Variants in ASTN2 observed in about 807,000 individuals in gnomAD.
ASTN2 encodes the protein astrotactin 2, also known as astrotactin-2.
A neutral mutation model predicts 139.8 loss-of-function variants in ASTN2; 54 were observed. The observed-to-expected ratio is 0.39, with a 90% CI of 0.31 to 0.48. The LOEUF (loss-of-function observed/expected upper bound fraction) is 0.48, where lower values mean the gene tolerates loss of function less well. Ranked by LOEUF, ASTN2 falls within the 20% of genes least tolerant of loss-of-function variation. The pLI, the probability that ASTN2 is intolerant of heterozygous loss-of-function variation, is 0.95. For missense variants in ASTN2, 1,565 were observed against 1,725.1 expected, an observed-to-expected ratio of 0.91 and a Z score of 1.64; for synonymous variants, 756 against 719.5, an observed-to-expected ratio of 1.05 and a Z score of -0.81.
At chr9:116,839,510 C>T (rs966148921) in intron 11 of ASTN2, among the ~76,000 whole-genome samples, 1 of 151,444 alleles carries the variant, frequency 6.6e-6, no homozygotes, top group African/African-American at 2.4e-5. Flanking sequence ...GACAGAGTCT[C>T]GCTCTGTCAC....
chr9:117,236,386 T>G (rs1833046091), intron 2 of ASTN2, among the ~76,000 whole-genome samples: 2 of 150,988 alleles, frequency 1.3e-5, no homozygotes, highest in South Asian at 2.1e-4. Flanking sequence ...CCAGAGGGAG[T>G]GAGATGGAGA....
At chr9:116,559,856 G>C (rs1852816806) in intron 19 of ASTN2, among the ~76,000 whole-genome samples, 2 of 152,086 alleles carry the variant, frequency 1.3e-5, no homozygotes, top group South Asian at 4.1e-4. Context: ...CTTATTCCTT[G>C]AACTATTAAT....
chr9:116,636,597 G>C (rs146169314), intron 17 of ASTN2, among the ~76,000 whole-genome samples: 1 of 151,978 alleles, frequency 6.6e-6, no homozygotes, highest in Non-Finnish European at 1.5e-5. Context: ...CAGGAAAATC[G>C]TTTGAACCCG....
intron 19 of ASTN2, among the ~76,000 whole-genome samples, chr9:116,577,237 A>G (rs1458347183): frequency 6.6e-6 from 1 of 152,226 alleles, no homozygotes; most frequent in Non-Finnish European, 1.5e-5. Flanking sequence ...ACACAAGAAT[A>G]CATGTTATAG....
At position 116,423,159 on chromosome 9, in the gene ASTN2, C is replaced by G. The variant is rs532387884; in HGVS notation, c.*2692G>C. ...TTAATCAGAATTCTCTAGGTCTTTCCCAACCAGATTTTCCTGGATGTCTGC... is the reference window on the plus strand; with the variant it reads ...TTAATCAGAATTCTCTAGGTCTTTCGCAACCAGATTTTCCTGGATGTCTGC... On this transcript the variant is annotated 3_prime_UTR_variant, in exon 23 of 23. Coordinates refer to ENST00000313400, the MANE Select transcript of ASTN2 (RefSeq NM_001365068.1). Among the ~76,000 whole-genome samples the G allele has an allele frequency of 6.6e-6, 1 of 152,106 alleles. No homozygotes were observed. The highest frequency in any genetic ancestry group is 1.9e-4 in the East Asian group (1 of 5,176).
chr9:117,133,331 G>T (rs961174761), intron 4 of ASTN2, among the ~76,000 whole-genome samples: 1 of 152,136 alleles, frequency 6.6e-6, no homozygotes, highest in Non-Finnish European at 1.5e-5. Context: ...TGTAGATTAG[G>T]TAATGGAGAT....
chr9:116,660,176 A>G (rs990244468), intron 16 of ASTN2, among the ~76,000 whole-genome samples: 1 of 137,058 alleles, frequency 7.3e-6, no homozygotes, highest in African/African-American at 3.6e-5. Flanking sequence ...GCGCACACAC[A>G]CACACACACA....
At chr9:117,382,311 A>G (rs534328898) in intron 1 of ASTN2, among the ~76,000 whole-genome samples, 1 of 152,322 alleles carries the variant, frequency 6.6e-6, no homozygotes, top group East Asian at 1.9e-4. Context: ...TTCAAGAGCC[A>G]GGAGGGACAG....
intron 16 of ASTN2, among the ~76,000 whole-genome samples, chr9:116,655,232 G>A (rs1256225708): frequency 6.6e-6 from 1 of 152,168 alleles, no homozygotes; most frequent in East Asian, 1.9e-4. Flanking sequence ...AACACCATTA[G>A]CCATTCCATT....
intron 19 of ASTN2, among the ~76,000 whole-genome samples, chr9:116,520,126 G>C (rs1850805982): frequency 6.6e-6 from 1 of 151,888 alleles, no homozygotes; most frequent in Admixed American, 6.6e-5. Context: ...AAAAGATAAA[G>C]AGGGAATCCT....
intron 2 of ASTN2, among the ~76,000 whole-genome samples, chr9:117,238,258 G>T (rs930087936): frequency 1.3e-5 from 2 of 152,134 alleles, no homozygotes; most frequent in African/African-American, 2.4e-5. Flanking sequence ...TTAGCCATGG[G>T]TGTCTACAGC....
intron 1 of ASTN2, among the ~76,000 whole-genome samples, chr9:117,382,676 T>C (rs936336852): frequency 6.6e-6 from 1 of 152,180 alleles, no homozygotes; most frequent in Non-Finnish European, 1.5e-5. Context: ...AGCACTGGGT[T>C]AAGACCAGTT....
intron 16 of ASTN2, among the ~76,000 whole-genome samples, chr9:116,692,414 A>G (rs936035773): frequency 6.6e-6 from 1 of 152,218 alleles, no homozygotes; most frequent in African/African-American, 2.4e-5. Flanking sequence ...AATAAAAACT[A>G]TTATTTATGT....
intron 22 of ASTN2, among the ~76,000 whole-genome samples, chr9:116,438,627 C>T (rs1847732693): frequency 6.6e-6 from 1 of 152,190 alleles, no homozygotes. Context: ...CTTTCATTCT[C>T]TTCCCCTCTT....
intron 10 of ASTN2, among the ~76,000 whole-genome samples, chr9:116,926,296 A>G (rs1205895818): frequency 6.6e-6 from 1 of 152,216 alleles, no homozygotes; most frequent in Admixed American, 6.5e-5. Flanking sequence ...TATTGATTTC[A>G]ATAATTTATG....
intron 3 of ASTN2, among the ~76,000 whole-genome samples, chr9:117,195,364 A>G (rs1257104115): frequency 6.6e-6 from 1 of 152,202 alleles, no homozygotes; most frequent in African/African-American, 2.4e-5. Context: ...AGTCTGAAGA[A>G]CAGAGAAGAG....
intron 19 of ASTN2, among the ~76,000 whole-genome samples, chr9:116,562,733 T>TAAAAA (rs35878476): frequency 1.1e-4 from 7 of 64,462 alleles, no homozygotes; most frequent in African/African-American, 3.2e-4. Flanking sequence ...ACTGCCTCAT[T>TAAAAA]AAAAAAAAAA....
At chr9:117,137,709 A>AT (rs1829985698) in intron 4 of ASTN2, among the ~76,000 whole-genome samples, 1 of 150,796 alleles carries the variant, frequency 6.6e-6, no homozygotes, top group African/African-American at 2.5e-5. Context: ...GAATTTCCAA[A>AT]CTTTTTTTTT....
At chr9:116,899,776 G>A (rs1833962369) in intron 10 of ASTN2, among the ~76,000 whole-genome samples, 1 of 152,172 alleles carries the variant, frequency 6.6e-6, no homozygotes. Flanking sequence ...CAGGAGTCAT[G>A]CAGCCAGAGA....
Sources: gnomAD v4.1 joint callset for allele counts (sites outside exome capture counted in the v4.1 genomes callset) on GRCh38, gnomAD v4.1.1 for gene constraint, MANE v1.5 for transcripts, NCBI Gene and HGNC (gene_info 2026-07-23, HGNC 2026-07-21) for gene names.